Variants in ANAPC1 observed in about 807,000 individuals in gnomAD.
The protein encoded by ANAPC1 is anaphase-promoting complex subunit 1.
ANAPC1 carries 36 observed loss-of-function variants against 208.0 expected under a neutral mutation model. The observed-to-expected ratio is 0.17, with a 90% CI of 0.13 to 0.23. The LOEUF (loss-of-function observed/expected upper bound fraction) is 0.23, where lower values mean the gene tolerates loss of function less well. Among genes scored for constraint, ANAPC1 ranks in the 10% least tolerant of loss-of-function variants. The pLI, the probability that ANAPC1 is intolerant of heterozygous loss-of-function variation, is 1.00. For missense variants in ANAPC1, 942 were observed against 2,011.6 expected (o/e 0.47, Z 10.17); for synonymous variants, 378 against 695.2 (o/e 0.54, Z 7.18).
At chr2:111,783,582 C>T in intron 42 of ANAPC1, among the ~76,000 whole-genome samples, 1 of 152,070 alleles carries the variant, frequency 6.6e-6, no homozygotes, top group East Asian at 1.9e-4. Context: ...TGAAAATGGA[C>T]TAATACACTT....
chr2:111,841,121 A>T lies in ANAPC1; in HGVS notation c.2040+2291T>A, dbSNP rs553088204. The stretch of plus-strand genomic sequence containing the variant: ...GGAAATTGCAGAGAGCAATTCCTTC[A>T]TGTGCTGAAATAGACACAAACTCTT... On this transcript the variant is annotated intron_variant, in intron 17 of 47. Transcript: ENST00000341068. Among the ~76,000 whole-genome samples the T allele has an allele frequency of 9.2e-5, 14 of 152,286 alleles. 1 individual carries two copies. The South Asian group carries it at 2.7e-3, about 29-fold the overall frequency.
intron 18 of ANAPC1, among the ~76,000 whole-genome samples, chr2:111,837,356 T>A (rs1680523198): frequency 6.6e-6 from 1 of 152,250 alleles, no homozygotes; most frequent in Admixed American, 6.5e-5. Context: ...GCCCAGTGGC[T>A]CATGCCTGTA....
intron 11 of ANAPC1, among the ~76,000 whole-genome samples, chr2:111,857,844 T>C (rs1310031471): frequency 6.6e-6 from 1 of 152,222 alleles, no homozygotes; most frequent in Non-Finnish European, 1.5e-5. Flanking sequence ...GTGGTAGATC[T>C]ATACAATGGA....
At position 111,808,857 on chromosome 2, in the gene ANAPC1, A is replaced by G. The variant is rs566851766; in HGVS notation, c.3832+90T>C. 226 of 1,483,668 alleles carry G rather than the reference A, an allele frequency of 1.5e-4. No homozygotes were observed. In the African/African-American group the frequency reaches 2.9e-3, roughly 19 times the overall value. The allele number at this position is 1,483,668 out of a possible 1,614,324, so 91.9% of individuals were successfully genotyped here. A position where few individuals can be genotyped will look rare whatever the true frequency, so the allele number is the denominator to read the frequency against. Reference sequence around the variant, plus strand: ...ATAAAAGCTACCATTGTCTTTCCTTAATTTTTATAATTTTACTATCACTTT... The same window carrying G: ...ATAAAAGCTACCATTGTCTTTCCTTGATTTTTATAATTTTACTATCACTTT... On this transcript the variant is annotated intron_variant, in intron 29 of 47. Transcript: ENST00000341068.
intron 14 of ANAPC1, among the ~76,000 whole-genome samples, chr2:111,848,645 C>T (rs1314838768): frequency 9.2e-5 from 14 of 151,764 alleles, no homozygotes; most frequent in Middle Eastern, 3.4e-3. Context: ...GGTGTGGTGG[C>T]GGGTGCCTGT....
chr2:111,837,610 C>CAA (rs34106530), intron 18 of ANAPC1, among the ~76,000 whole-genome samples: 1 of 141,762 alleles, frequency 7.1e-6, no homozygotes, highest in Non-Finnish European at 1.6e-5. Context: ...GACTCCGTCT[C>CAA]AAAAAAAAAA....
intron 13 of ANAPC1, among the ~76,000 whole-genome samples, chr2:111,855,166 G>C (rs1198170998): frequency 6.6e-6 from 1 of 152,050 alleles, no homozygotes; most frequent in Non-Finnish European, 1.5e-5. Context: ...ACAGGAAAGG[G>C]GTCAAATGAT....
At position 111,774,020 on chromosome 2, in the gene ANAPC1, G is replaced by A. The variant is rs1266065119; in HGVS notation, c.5585-1545C>T. On this transcript the variant is annotated intron_variant, in intron 46 of 47. Coordinates refer to ENST00000341068, the MANE Select transcript of ANAPC1 (RefSeq NM_022662.4). The stretch of plus-strand genomic sequence containing the variant: ...TGAGAAAAAGCAAGGAGGCTATTTA[G>A]GAGGCTATAACAGTGGTCCAGGCAC... Among the ~76,000 whole-genome samples, 42 of 151,634 alleles carry A rather than the reference G, an allele frequency of 2.8e-4. 1 individual carries two copies. Among genetic ancestry groups the A allele is most frequent in the Admixed American group, 1.9e-3 (29 of 15,228 alleles).
chr2:111,829,495 G>GC (rs897823822), intron 21 of ANAPC1, among the ~76,000 whole-genome samples: 4 of 152,066 alleles, frequency 2.6e-5, no homozygotes, highest in African/African-American at 9.7e-5. Flanking sequence ...ACCTGGAAAG[G>GC]CCCACAAGGG....
rs368798290 is a variant in ANAPC1 at position 111,847,825 on chromosome 2, G to T, written c.1691C>A (p.Ser564Ter). 5 of 1,598,696 alleles carry T rather than the reference G, an allele frequency of 3.1e-6. No individual in the cohort carries two copies. The highest frequency in any genetic ancestry group is 4.3e-6 in the Non-Finnish European group (5 of 1,174,782). Residue 564 changes from serine (S) to a stop codon, truncating the protein, a stop_gained, in exon 15 of 48, where the codon TCA becomes TAA. Coordinates refer to ENST00000341068, the MANE Select transcript of ANAPC1 (RefSeq NM_022662.4). LOFTEE classifies it high-confidence loss of function. ...LSPVPELRDS[S>*]KLHDSLYNED... Reference sequence around the variant, plus strand: ...ATTATAGAGAGAATCATGAAGTTTTGAAGAATCCCTCAGTTCTGGAACTGG... The same window carrying T: ...ATTATAGAGAGAATCATGAAGTTTTTAAGAATCCCTCAGTTCTGGAACTGG...
rs145965101 is a variant in ANAPC1, at chr2:111,875,322, G to C, written c.376-1658C>G. On this transcript the variant is annotated intron_variant, in intron 3 of 47. Coordinates refer to ENST00000341068, the MANE Select transcript of ANAPC1 (RefSeq NM_022662.4). Reference sequence around the variant, plus strand: ...TAATGGTTAAGAAATGAAAATTCAGGAAGAAAACCATGCATGAGAGCTGTG... The same window carrying C: ...TAATGGTTAAGAAATGAAAATTCAGCAAGAAAACCATGCATGAGAGCTGTG... Among the ~76,000 whole-genome samples, 125 of 152,252 alleles carry C rather than the reference G, an allele frequency of 8.2e-4. 1 individual carries two copies. Among genetic ancestry groups the C allele is most frequent in the South Asian group, 7.9e-3 (38 of 4,824 alleles).
intron 11 of ANAPC1, 69 bp from the exon 12 acceptor site, chr2:111,856,955 T>C (rs1681762154): frequency 2.4e-6 from 3 of 1,251,822 alleles, no homozygotes; most frequent in Admixed American, 4.3e-5. Flanking sequence ...AGTATTATAC[T>C]GAACAGAAAA....
intron 1 of ANAPC1, among the ~76,000 whole-genome samples, chr2:111,881,739 T>C (rs1683309496): frequency 6.6e-6 from 1 of 152,240 alleles, no homozygotes; most frequent in African/African-American, 2.4e-5. Context: ...GCATTTTTAA[T>C]GTTAGGAGCC....
chr2:111,842,011 C>T (rs1680790906), intron 17 of ANAPC1, among the ~76,000 whole-genome samples: 1 of 152,102 alleles, frequency 6.6e-6, no homozygotes, highest in Admixed American at 6.6e-5. Context: ...CTTGACCTCA[C>T]AGTTTCTCTT....
At chr2:111,788,364 G>T (rs1677683032) in intron 38 of ANAPC1, 44 bp from the exon 39 acceptor site, 15 of 1,608,064 alleles carry the variant, frequency 9.3e-6, no homozygotes, top group Non-Finnish European at 1.3e-5. Flanking sequence ...TGATTATATT[G>T]CACATACTTT....
chr2:111,770,179 A>C (rs1267270418), intron 47 of ANAPC1, among the ~76,000 whole-genome samples: 1 of 96,314 alleles, frequency 1.0e-5, no homozygotes, highest in Admixed American at 1.3e-4. Context: ...ACTACATGTG[A>C]AACTACTAAT....
At chr2:111,858,567 T>C (rs1681868841) in intron 10 of ANAPC1, among the ~76,000 whole-genome samples, 166 bp from the exon 11 acceptor site, 1 of 152,056 alleles carries the variant, frequency 6.6e-6, no homozygotes, top group South Asian at 2.1e-4. Flanking sequence ...CAGACTATCC[T>C]GGCTAACACG....
intron 22 of ANAPC1, 46 bp from the exon 23 acceptor site, chr2:111,825,213 A>G (rs747930519): frequency 4.3e-5 from 69 of 1,603,844 alleles, no homozygotes; most frequent in Non-Finnish European, 5.9e-5. Context: ...TCATCCTGGT[A>G]AAGAAAACAT....
At chr2:111,792,228 C>A in intron 38 of ANAPC1, 134 bp downstream of exon 38, 1 of 604,188 alleles carries the variant, frequency 1.7e-6, no homozygotes, top group East Asian at 2.9e-5. Context: ...CCCATCAAGT[C>A]GAATAATGCT....
Sources: gnomAD v4.1 joint callset for allele counts (sites outside exome capture counted in the v4.1 genomes callset) on GRCh38, gnomAD v4.1.1 for gene constraint, MANE v1.5 for transcripts, NCBI Gene and HGNC (gene_info 2026-07-23, HGNC 2026-07-21) for gene names.